Variants in MED29 observed in about 807,000 individuals in gnomAD.
MED29 encodes the protein mediator complex subunit 29.
MED29 carries 14 observed loss-of-function variants against 22.0 expected under a neutral mutation model. The observed-to-expected ratio is 0.64, with a 90% CI of 0.42 to 0.99. The LOEUF (loss-of-function observed/expected upper bound fraction) is 0.99. Ranked by LOEUF, MED29 falls within the 50% of genes least tolerant of loss-of-function variation. The pLI, the probability that MED29 is intolerant of heterozygous loss-of-function variation, is 0.00. For missense variants in MED29, 241 were observed against 253.7 expected (o/e 0.95, Z 0.34); for synonymous variants, 123 against 107.8 (o/e 1.14, Z -0.87).
chr19:39,397,349 G>C, intron 3 of MED29, 108 bp from the exon 4 acceptor site: 4 of 1,252,010 alleles, frequency 3.2e-6, no homozygotes, highest in Non-Finnish European at 4.5e-6. Flanking sequence ...CTGACTCTAA[G>C]ACCTGGGAAA....
chr19:39,397,620 A>G lies in MED29; in HGVS notation c.524A>G (p.His175Arg). 6.2e-7 allele frequency: 1 copy of G among 1,613,684 alleles called. No individual in the cohort carries two copies. Among genetic ancestry groups the G allele is most frequent in the Non-Finnish European group, 8.5e-7 (1 of 1,180,008 alleles). Residue 175 changes from histidine to arginine, a missense_variant, in exon 4 of 4, where the codon CAC becomes CGC. Transcript: ENST00000315588. ...KAQISCAKDI[H>R]TALLDCANKV... ...CAGATTTCCTGTGCCAAGGACATTC[A>G]CACCGCCCTGCTGGACTGTGCCAAC...
intron 3 of MED29, among the ~76,000 whole-genome samples, chr19:39,394,539 G>A (rs2078417575): frequency 6.8e-6 from 1 of 146,136 alleles, no homozygotes; most frequent in South Asian, 2.2e-4. Context: ...TTACAAGCAT[G>A]AGCCACTGCA....
Position 39,391,478 on chromosome 19 carries a change from G to C in MED29, c.56G>C (p.Gly19Ala), listed in dbSNP as rs570008709. The C allele has an allele frequency of 5.6e-6, 9 of 1,613,426 alleles. No individual in the cohort carries two copies. The East Asian group carries it at 1.8e-4, about 32-fold the overall frequency. ...GCTTCCTCAGCTGCTGGTGTATCGG[G>C]TCCTAGTTCGGCTGGCGGCCCGGGT... Reference protein sequence around the residue: ...SAASSAAGVSGPSSAGGPGPQ... With the variant: ...SAASSAAGVSAPSSAGGPGPQ... The change falls in exon 1 of 4, where the codon GGT (glycine) becomes GCT (alanine). Residue 19 changes from glycine to alanine, a missense_variant. Gly to Ala is a moderately conservative substitution (Grantham distance 60). Coordinates refer to ENST00000315588, the MANE Select transcript of MED29 (RefSeq NM_017592.4).
Position 39,391,448 on chromosome 19 carries a change from C to T in MED29, c.26C>T (p.Ser9Leu). MAASQQQA[S>L]AASSAAGVSG... Reference sequence around the variant, plus strand: ...ATGGCTGCATCCCAGCAGCAAGCTTCAGCGGCTTCCTCAGCTGCTGGTGTA... The same window carrying T: ...ATGGCTGCATCCCAGCAGCAAGCTTTAGCGGCTTCCTCAGCTGCTGGTGTA... The change falls in exon 1 of 4, where the codon TCA becomes TTA. Residue 9 changes from serine (S) to leucine (L), a missense_variant. Physicochemically the swap from Ser to Leu is moderately radical, Grantham distance 145. Coordinates refer to ENST00000315588, the MANE Select transcript of MED29 (RefSeq NM_017592.4). 1 of 1,613,368 alleles carries T rather than the reference C, an allele frequency of 6.2e-7. No homozygotes were observed. The highest frequency in any genetic ancestry group is 8.5e-7 in the Non-Finnish European group (1 of 1,179,542).
chr19:39,392,416 C>T, intron 1 of MED29, 48 bp from the exon 2 acceptor site: 4 of 1,420,182 alleles, frequency 2.8e-6, no homozygotes, highest in Non-Finnish European at 3.8e-6. Flanking sequence ...CAGAGGTATT[C>T]CCTTTTGTTT....
At chr19:39,393,728 T>C in intron 3 of MED29, 91 bp downstream of exon 3, 1 of 1,086,790 alleles carries the variant, frequency 9.2e-7, no homozygotes, top group Non-Finnish European at 1.4e-6. Context: ...CACACTCAAC[T>C]GGGGACCTCC....
chr19:39,397,651 C>A lies in MED29; in HGVS notation c.555C>A (p.Val185=), dbSNP rs1419034112. The A allele has an allele frequency of 1.2e-6, 2 of 1,612,862 alleles. No individual in the cohort carries two copies. The highest frequency in any genetic ancestry group is 1.1e-5 in the South Asian group (1 of 91,056). ...CCCTGCTGGACTGTGCCAACAAGGT[C>A]ACGGGCAAGACACCCGCACCACCTG... ...HTALLDCANK[V]TGKTPAPPAG... The change falls in exon 4 of 4, where the codon GTC becomes GTA. Residue 185 remains valine, a synonymous_variant. Transcript: ENST00000315588.
Position 39,393,553 on chromosome 19 carries a change from A to C in MED29, c.276A>C (p.Gln92His). The change falls in exon 3 of 4, where the codon CAA (glutamine) becomes CAC (histidine). Residue 92 changes from glutamine (Q) to histidine (H), a missense_variant and splice_region_variant. Gln to His is a conservative substitution (Grantham distance 24). Coordinates refer to ENST00000315588, the MANE Select transcript of MED29 (RefSeq NM_017592.4). ...GACATCCTTTTTTCCTTGTCTGTAG[A>C]AAGAGCAGTGATGGACCCATACAGC... ...LIQNTNIDNG[Q>H]KSSDGPIQRF... 6.2e-7 allele frequency: 1 copy of C among 1,613,988 alleles called. No individual in the cohort carries two copies. The highest frequency in any genetic ancestry group is 1.1e-5 in the South Asian group (1 of 91,084).
At chr19:39,394,131 T>A (rs1272612382) in intron 3 of MED29, among the ~76,000 whole-genome samples, 2 of 152,254 alleles carry the variant, frequency 1.3e-5, no homozygotes, top group African/African-American at 4.8e-5. Flanking sequence ...TCTCTACCTC[T>A]GACCTCTGGG....
intron 2 of MED29, 131 bp from the exon 3 acceptor site, chr19:39,393,422 C>T (rs999724016): frequency 6.0e-6 from 5 of 833,226 alleles, no homozygotes; most frequent in East Asian, 2.5e-5. Flanking sequence ...TGAACCCCTC[C>T]GGTTTTCAAC....
At chr19:39,393,282 G>C (rs1600624059) in intron 2 of MED29, among the ~76,000 whole-genome samples, 1 of 151,610 alleles carries the variant, frequency 6.6e-6, no homozygotes, top group East Asian at 1.9e-4. Flanking sequence ...TTTTAGTAGA[G>C]ATGGGGTTTC....
Position 39,397,765 on chromosome 19 carries a change from C to T in MED29, c.*66C>T, listed in dbSNP as rs750361960. 2.6e-6 allele frequency: 4 copies of T among 1,563,020 alleles called. No individual in the cohort carries two copies. Among genetic ancestry groups the T allele is most frequent in the Admixed American group, 1.8e-5 (1 of 56,230 alleles). ...GGTGTGCAAAGGGAATGAAGAGCGT[C>T]CTGGGCCTAAACACAGCAGCCTCCT... On this transcript the variant is annotated 3_prime_UTR_variant, in exon 4 of 4. Coordinates refer to ENST00000315588, the MANE Select transcript of MED29 (RefSeq NM_017592.4).
At chr19:39,394,495 G>T (rs1358414091) in intron 3 of MED29, among the ~76,000 whole-genome samples, 1 of 146,780 alleles carries the variant, frequency 6.8e-6, no homozygotes, top group Non-Finnish European at 1.5e-5. Flanking sequence ...GGCCTCAAGT[G>T]ATCCACCCGC....
At chr19:39,395,927 A>G (rs1428649500) in intron 3 of MED29, among the ~76,000 whole-genome samples, 1 of 151,424 alleles carries the variant, frequency 6.6e-6, no homozygotes, top group Non-Finnish European at 1.5e-5. Flanking sequence ...AAAAAAAAAA[A>G]AGGAGGACTG....
rs1281524664 is a variant in MED29 at position 39,392,788 on chromosome 19, A to C, written c.275+266A>C. On this transcript the variant is annotated intron_variant, in intron 2 of 3. Transcript: ENST00000315588. The stretch of plus-strand genomic sequence containing the variant: ...CTACAGACATGGCTACAGACTACAG[A>C]TGCCTGGCTAATTTGTAAGATTTTT... 11 of 412,792 alleles carry C rather than the reference A, an allele frequency of 2.7e-5. No individual in the cohort carries two copies. The East Asian group carries it at 4.2e-4, about 16-fold the overall frequency. The allele number at this position is 412,792 out of a possible 1,614,324, so 25.6% of individuals were successfully genotyped here. A position where few individuals can be genotyped will look rare whatever the true frequency, so the allele number is the denominator to read the frequency against.
At chr19:39,397,433 G>A in intron 3 of MED29, 24 bp from the exon 4 acceptor site, 1 of 1,594,430 alleles carries the variant, frequency 6.3e-7, no homozygotes, top group Non-Finnish European at 8.5e-7. Flanking sequence ...AGCTGATGCT[G>A]TCCCCTTGCC....
At chr19:39,393,271 T>C (rs1568378285) in intron 2 of MED29, among the ~76,000 whole-genome samples, 1 of 151,706 alleles carries the variant, frequency 6.6e-6, no homozygotes, top group Non-Finnish European at 1.5e-5. Flanking sequence ...AATTTTTGTA[T>C]TTTTAGTAGA....
rs143909627 is a variant in MED29 at position 39,397,582 on chromosome 19, G to A, written c.486G>A (p.Ala162=). ...GCCTCCCCTACCCACAGTACCTGGCGGTCATCAAAGCCCAGATTTCCTGTG... is the reference window on the plus strand; with the variant it reads ...GCCTCCCCTACCCACAGTACCTGGCAGTCATCAAAGCCCAGATTTCCTGTG... ...PDSLPYPQYL[A]VIKAQISCAK... Residue 162 remains alanine, a synonymous_variant, in exon 4 of 4, where the codon GCG becomes GCA. Coordinates refer to ENST00000315588, the MANE Select transcript of MED29 (RefSeq NM_017592.4). 1.8e-5 allele frequency: 29 copies of A among 1,613,688 alleles called. No homozygotes were observed. Among genetic ancestry groups the A allele is most frequent in the African/African-American group, 8.0e-5 (6 of 74,920 alleles).
Position 39,398,013 on chromosome 19 carries a change from CCTGA to C in MED29, c.*318_*321del, listed in dbSNP as rs1187556299. 73 of 529,104 alleles carry C rather than the reference CCTGA, an allele frequency of 1.4e-4. No homozygotes were observed. The highest frequency in any genetic ancestry group is 4.8e-4 in the Middle Eastern group (1 of 2,074). 32.8% of individuals were successfully genotyped at this position (529,104 alleles called of 1,614,324 possible). On this transcript the variant is annotated 3_prime_UTR_variant, in exon 4 of 4. Coordinates refer to ENST00000315588, the MANE Select transcript of MED29 (RefSeq NM_017592.4). ...GGCTGTCCCCTCTCCCTCAGTCCTT[CCTGA>C]CTGTCTCCAGCTGGGAGGTGGTCTC...
Sources: allele counts gnomAD v4.1 joint callset (sites outside exome capture counted in the v4.1 genomes callset), GRCh38; gene constraint gnomAD v4.1.1; transcripts MANE v1.5; gene names NCBI Gene and HGNC (gene_info 2026-07-23, HGNC 2026-07-21).